The following FRMPD1 variants were observed in gnomAD, a reference collection of about 807,000 sequenced individuals.
FRMPD1 encodes FERM and PDZ domain-containing protein 1.
In FRMPD1, 76 loss-of-function variants were observed where a neutral mutation model predicts 117.8. The ratio of observed to expected loss-of-function variants is 0.65; its 90% CI spans 0.54 to 0.78. The LOEUF is 0.78. FRMPD1 is among the 30% of genes least tolerant of loss of function. FRMPD1 has a pLI of 0.00. For synonymous variants in FRMPD1, 783 were observed against 770.4 expected (o/e 1.02, Z -0.27); for missense variants, 1,786 against 1,964.5 (o/e 0.91, Z 1.72).
intron 5 of FRMPD1, among the ~76,000 whole-genome samples, chr9:37,713,797 GT>G (rs1563944528): frequency 2.0e-5 from 3 of 152,124 alleles, no homozygotes; most frequent in African/African-American, 4.8e-5. Context: ...AAAAAATACA[GT>G]CTCAACTCTA....
chr9:37,617,111 A>G, the FRMPD1 span, among the ~76,000 whole-genome samples: 1 of 152,240 alleles, frequency 6.6e-6, no homozygotes, highest in Non-Finnish European at 1.5e-5. Flanking sequence ...TCTCTATCCT[A>G]CGCCCAAGAA....
At chr9:37,737,020 C>T (rs758493234) in intron 13 of FRMPD1, 76 bp from the exon 14 acceptor site, 2 of 1,138,332 alleles carry the variant, frequency 1.8e-6, no homozygotes, top group East Asian at 2.4e-5. Context: ...CTCGTTGGTC[C>T]CACATGGCTT....
chr9:37,672,863 A>G (rs982313240), intron 1 of FRMPD1, among the ~76,000 whole-genome samples: 6 of 152,154 alleles, frequency 3.9e-5, no homozygotes, highest in African/African-American at 1.4e-4. Flanking sequence ...TGAGACTAGC[A>G]TAGGAAAGAC....
At chr9:37,667,061 G>GTTTTTTTTTTTTTTTT (rs1563923428) in intron 1 of FRMPD1, among the ~76,000 whole-genome samples, 2 of 67,006 alleles carry the variant, frequency 3.0e-5, no homozygotes, top group African/African-American at 2.3e-4. Context: ...ATTGAAGCAT[G>GTTTTTTTTTTTTTTTT]CTTTTTTTTT....
rs897769006 is a variant in FRMPD1 at position 37,717,701 on chromosome 9, A to G, written c.409-1368A>G. On this transcript the variant is annotated intron_variant, in intron 5 of 15. Coordinates refer to ENST00000377765, the MANE Select transcript of FRMPD1 (RefSeq NM_014907.3). ...AGCCTGATTTTGCCAAGAATTAACG[A>G]CAAACTAATCAATATGTGTTTTCCT... Among the ~76,000 whole-genome samples, 168 of 152,258 alleles carry G rather than the reference A, an allele frequency of 1.1e-3. 1 individual carries two copies. Among genetic ancestry groups the G allele is most frequent in the Non-Finnish European group, 3.1e-4 (21 of 68,020 alleles).
the FRMPD1 span, among the ~76,000 whole-genome samples, chr9:37,610,671 T>G: frequency 6.6e-6 from 1 of 151,450 alleles, no homozygotes; most frequent in Non-Finnish European, 1.5e-5. Flanking sequence ...CTCGGCTCAC[T>G]GCAACCTCCG....
At chr9:37,653,211 A>C (rs527424415) in intron 1 of FRMPD1, among the ~76,000 whole-genome samples, 8 of 152,336 alleles carry the variant, frequency 5.3e-5, no homozygotes, top group Non-Finnish European at 1.0e-4. Context: ...AACGGGAATA[A>C]TAATAATTCC....
intron 15 of FRMPD1, among the ~76,000 whole-genome samples, chr9:37,743,539 T>A (rs1392342803): frequency 3.4e-5 from 4 of 119,400 alleles, no homozygotes; most frequent in African/African-American, 1.6e-4. Flanking sequence ...TTTTTTTTTT[T>A]TTTTTTTTTT....
intron 1 of FRMPD1, among the ~76,000 whole-genome samples, chr9:37,663,565 A>C (rs2057645): frequency 0.63 from 95,614 of 152,018 alleles, 31,764 homozygotes; most frequent in African/African-American, 0.85. Context: ...CTCCACTGCC[A>C]CACTCCATCT....
the FRMPD1 span, among the ~76,000 whole-genome samples, chr9:37,610,120 T>C: frequency 6.6e-6 from 1 of 152,266 alleles, no homozygotes; most frequent in Non-Finnish European, 1.5e-5. Context: ...TGTTGTCTCT[T>C]TCCCCACAAT....
chr9:37,692,979 A>C (rs1563934370), intron 2 of FRMPD1, among the ~76,000 whole-genome samples: 1 of 152,192 alleles, frequency 6.6e-6, no homozygotes, highest in East Asian at 1.9e-4. Context: ...ACACACTTAC[A>C]ACATTTACAA....
chr9:37,654,364 G>T (rs1216994732), intron 1 of FRMPD1, among the ~76,000 whole-genome samples: 3 of 152,194 alleles, frequency 2.0e-5, no homozygotes, highest in Non-Finnish European at 2.9e-5. Flanking sequence ...CCTGGAGCTG[G>T]GTGAGGGTCA....
Position 37,744,429 on chromosome 9 carries a change from C to A in FRMPD1, c.2397C>A (p.Ser799Arg). Residue 799 changes from serine to arginine, a missense_variant, in exon 16 of 16, where the codon AGC (serine) becomes AGA (arginine). Coordinates refer to ENST00000377765, the MANE Select transcript of FRMPD1 (RefSeq NM_014907.3). ...DVSTAEPSAT[S>R]LQNKASTSSP... The stretch of plus-strand genomic sequence containing the variant: ...CTACTGCAGAACCCAGTGCCACAAG[C>A]TTGCAGAATAAGGCCAGCACTTCTA... 1.2e-6 allele frequency: 2 copies of A among 1,612,426 alleles called. No individual in the cohort carries two copies. Among genetic ancestry groups the A allele is most frequent in the African/African-American group, 1.3e-5 (1 of 74,998 alleles).
chr9:37,722,352 T>C (rs191450245), intron 6 of FRMPD1, among the ~76,000 whole-genome samples: 4 of 152,174 alleles, frequency 2.6e-5, no homozygotes, highest in East Asian at 3.9e-4. Context: ...GCTTAGAAGA[T>C]ACAAACACCT....
At chr9:37,739,437 C>T (rs540248239) in intron 14 of FRMPD1, among the ~76,000 whole-genome samples, 2 of 152,234 alleles carry the variant, frequency 1.3e-5, no homozygotes, top group Admixed American at 6.5e-5. Context: ...GAGATTGCAA[C>T]CTGGCTCAGT....
chr9:37,611,657 G>C, the FRMPD1 span, among the ~76,000 whole-genome samples: 7 of 151,942 alleles, frequency 4.6e-5, no homozygotes, highest in Non-Finnish European at 7.4e-5. Flanking sequence ...ATGTGTAACA[G>C]AAAGATATTT....
chr9:37,711,459 C>T (rs1822909072), intron 5 of FRMPD1, 64 bp downstream of exon 5: 2 of 1,208,608 alleles, frequency 1.7e-6, no homozygotes, highest in East Asian at 2.3e-5. Context: ...CCCTGTTCCC[C>T]CAGAGGATAT....
chr9:37,674,137 C>T (rs983595348), intron 1 of FRMPD1, among the ~76,000 whole-genome samples: 16 of 152,282 alleles, frequency 1.1e-4, no homozygotes, highest in East Asian at 1.9e-4. Context: ...CCTTTTAAAA[C>T]GGAATGCCTT....
chr9:37,659,522 A>G (rs1820933778), intron 1 of FRMPD1, among the ~76,000 whole-genome samples: 2 of 152,182 alleles, frequency 1.3e-5, no homozygotes, highest in South Asian at 2.1e-4. Flanking sequence ...AGCTGTGGCT[A>G]TTAAAATATT....
Sources: gnomAD v4.1 joint callset for allele counts (sites outside exome capture counted in the v4.1 genomes callset) on GRCh38, gnomAD v4.1.1 for gene constraint, MANE v1.5 for transcripts, NCBI Gene and HGNC (gene_info 2026-07-23, HGNC 2026-07-21) for gene names.